TDRD3: variants seen among roughly 807,000 people sequenced by gnomAD.
TDRD3 encodes the protein tudor domain-containing protein 3.
In TDRD3, 45 loss-of-function variants were observed where a neutral mutation model predicts 86.7. The ratio of observed to expected loss-of-function variants is 0.52; its 90% CI spans 0.41 to 0.67. The LOEUF is 0.67. TDRD3 is among the 30% of genes least tolerant of loss of function. The pLI is 0.00. For missense variants in TDRD3, 814 were observed against 889.0 expected, an observed-to-expected ratio of 0.92 and a Z score of 1.07; for synonymous variants, 298 against 301.7, an observed-to-expected ratio of 0.99 and a Z score of 0.13.
At chr13:60,552,617 G>C (rs751259679) in intron 12 of TDRD3, among the ~76,000 whole-genome samples, 3 of 152,212 alleles carry the variant, frequency 2.0e-5, no homozygotes, top group Non-Finnish European at 4.4e-5. Context: ...TCTGTATGTG[G>C]GCTGGAGCCC....
intron 1 of TDRD3, among the ~76,000 whole-genome samples, chr13:60,416,917 C>A (rs1448063799): frequency 6.6e-6 from 1 of 152,042 alleles, no homozygotes; most frequent in East Asian, 1.9e-4. Flanking sequence ...TCTTATCATA[C>A]CTTTCCCTGG....
At chr13:60,400,595 G>A (rs936190687) in intron 1 of TDRD3, among the ~76,000 whole-genome samples, 1 of 152,072 alleles carries the variant, frequency 6.6e-6, no homozygotes, top group Non-Finnish European at 1.5e-5. Context: ...AAATTAGCCA[G>A]GCGTGGTGGC....
At chr13:60,563,213 G>C (rs1308370365) in intron 12 of TDRD3, among the ~76,000 whole-genome samples, 1 of 146,158 alleles carries the variant, frequency 6.8e-6, no homozygotes, top group Non-Finnish European at 1.5e-5. Context: ...GGGTGACAGA[G>C]CAAGACTCCA....
chr13:60,572,973 T>G (rs1290094556), intron 13 of TDRD3, among the ~76,000 whole-genome samples: 1 of 152,156 alleles, frequency 6.6e-6, no homozygotes, highest in Admixed American at 6.5e-5. Context: ...ACTGTTTACT[T>G]CCCAAGACTT....
intron 12 of TDRD3, among the ~76,000 whole-genome samples, chr13:60,554,892 C>T (rs968408301): frequency 6.6e-6 from 1 of 152,136 alleles, no homozygotes; most frequent in African/African-American, 2.4e-5. Context: ...TGTGGAATTA[C>T]AGGTTACTAA....
At chr13:60,505,482 C>A (rs189922263) in intron 8 of TDRD3, among the ~76,000 whole-genome samples, 1 of 152,174 alleles carries the variant, frequency 6.6e-6, no homozygotes, top group South Asian at 2.1e-4. Context: ...TGGGACAGAG[C>A]AACTGGGGGA....
intron 7 of TDRD3, among the ~76,000 whole-genome samples, chr13:60,492,376 G>C (rs1956606949): frequency 6.6e-6 from 1 of 152,158 alleles, no homozygotes; most frequent in African/African-American, 2.4e-5. Context: ...CCATGTGCCA[G>C]CTACTGAGAT....
At chr13:60,560,235 A>G (rs542350690) in intron 12 of TDRD3, among the ~76,000 whole-genome samples, 6 of 152,268 alleles carry the variant, frequency 3.9e-5, no homozygotes, top group African/African-American at 1.4e-4. Flanking sequence ...TAGTTTTTTC[A>G]TCTATAAAAT....
At chr13:60,444,043 G>C (rs1955343530) in intron 2 of TDRD3, among the ~76,000 whole-genome samples, 1 of 151,926 alleles carries the variant, frequency 6.6e-6, no homozygotes, top group Admixed American at 6.6e-5. Context: ...GAATGCTATA[G>C]CCTTGTTTTT....
chr13:60,478,237 T>C (rs35031919), intron 5 of TDRD3, among the ~76,000 whole-genome samples: 18,737 of 151,422 alleles, frequency 0.12, 1,358 homozygotes, highest in East Asian at 0.19. Context: ...TGATTTCTGA[T>C]TGTACCGATT....
chr13:60,467,477 C>T (rs1375247730), intron 5 of TDRD3, 98 bp downstream of exon 5: 11 of 1,353,024 alleles, frequency 8.1e-6, no homozygotes, highest in African/African-American at 4.4e-5. Context: ...TTCTTTGTGT[C>T]GGAGTTGAAT....
At chr13:60,442,587 A>C (rs938468281) in intron 2 of TDRD3, among the ~76,000 whole-genome samples, 1 of 152,108 alleles carries the variant, frequency 6.6e-6, no homozygotes, top group African/African-American at 2.4e-5. Context: ...TATAGTGTGA[A>C]TTTAGGGCAT....
At chr13:60,402,430 T>A (rs1036429332) in intron 1 of TDRD3, among the ~76,000 whole-genome samples, 2 of 152,194 alleles carry the variant, frequency 1.3e-5, no homozygotes, top group African/African-American at 4.8e-5. Flanking sequence ...TTTTGCTCCC[T>A]CACCATTCCA....
At chr13:60,493,772 A>G (rs1312108846) in intron 7 of TDRD3, among the ~76,000 whole-genome samples, 1 of 152,248 alleles carries the variant, frequency 6.6e-6, no homozygotes, top group Non-Finnish European at 1.5e-5. Flanking sequence ...CAAAACCAAT[A>G]TTATTTATGT....
At chr13:60,546,440 G>A (rs1208788998) in intron 12 of TDRD3, among the ~76,000 whole-genome samples, 1 of 151,950 alleles carries the variant, frequency 6.6e-6, no homozygotes, top group African/African-American at 2.4e-5. Context: ...TCTAAATTTT[G>A]TTATAGAAGT....
chr13:60,546,427 A>G (rs1957941876), intron 12 of TDRD3, among the ~76,000 whole-genome samples: 5 of 152,144 alleles, frequency 3.3e-5, no homozygotes, highest in Admixed American at 3.3e-4. Context: ...AGAGACTAGA[A>G]AGTCTAAATT....
chr13:60,527,503 C>A (rs1484539596), intron 10 of TDRD3, among the ~76,000 whole-genome samples: 1 of 152,154 alleles, frequency 6.6e-6, no homozygotes, highest in Non-Finnish European at 1.5e-5. Context: ...AAGACACATA[C>A]ACCAAAGACC....
At chr13:60,400,725 G>A (rs1316014528) in intron 1 of TDRD3, among the ~76,000 whole-genome samples, 2 of 149,992 alleles carry the variant, frequency 1.3e-5, no homozygotes, top group Middle Eastern at 3.4e-3. Context: ...GCGACAGAGC[G>A]AGACTGTGTC....
At chr13:60,509,051 A>G (rs1956996967) in intron 8 of TDRD3, among the ~76,000 whole-genome samples, 1 of 152,220 alleles carries the variant, frequency 6.6e-6, no homozygotes, top group Admixed American at 6.5e-5. Flanking sequence ...AAATCAGGAA[A>G]ACAATGTATA....
Sources: gnomAD v4.1 joint callset for allele counts (sites outside exome capture counted in the v4.1 genomes callset) on GRCh38, gnomAD v4.1.1 for gene constraint, MANE v1.5 for transcripts, NCBI Gene and HGNC (gene_info 2026-07-23, HGNC 2026-07-21) for gene names.